RAB36: variants seen among roughly 807,000 people sequenced by gnomAD.
RAB36 encodes the protein RAB36, member RAS oncogene family.
A neutral mutation model predicts 39.3 loss-of-function variants in RAB36; 33 were observed. That is an observed-to-expected ratio of 0.84 (90% CI 0.64 to 1.12). The LOEUF (loss-of-function observed/expected upper bound fraction) is 1.12. RAB36 is among the 50% of genes most tolerant of loss of function. RAB36 has a pLI of 0.00. For synonymous variants in RAB36, 133 were observed against 140.2 expected, an observed-to-expected ratio of 0.95 and a Z score of 0.36; for missense variants, 308 against 355.3, an observed-to-expected ratio of 0.87 and a Z score of 1.07.
chr22:23,156,663 T>C (rs1955833167), intron 6 of RAB36, among the ~76,000 whole-genome samples: 1 of 152,260 alleles, frequency 6.6e-6, no homozygotes, highest in Admixed American at 6.5e-5. Flanking sequence ...GGCACCGATA[T>C]GTCTACTCGG....
rs1056685696 is a variant in RAB36, at chr22:23,163,531, A to G, written c.*1967A>G. On this transcript the variant is annotated 3_prime_UTR_variant, in exon 11 of 11. Transcript: ENST00000263116. Reference sequence around the variant, plus strand: ...GCCTGAGCCACCGCGTCCGGCCTCCATAAATGACTTTTAAAGGGGTTGTAT... The same window carrying G: ...GCCTGAGCCACCGCGTCCGGCCTCCGTAAATGACTTTTAAAGGGGTTGTAT... 6.6e-6 allele frequency: 1 copy of G among 151,968 alleles called. No homozygotes were observed. The highest frequency in any genetic ancestry group is 1.5e-5 in the Non-Finnish European group (1 of 68,058). The allele number at this position is 151,968 out of a possible 1,614,324, so 9.4% of individuals were successfully genotyped here. A position where few individuals can be genotyped will look rare whatever the true frequency, so the allele number is the denominator to read the frequency against.
At chr22:23,167,674 C>A (rs941293331), downstream of RAB36, among the ~76,000 whole-genome samples, 1 of 152,092 alleles carries the variant, frequency 6.6e-6, no homozygotes, top group Non-Finnish European at 1.5e-5. Flanking sequence ...TAAATTGACA[C>A]GTTCACTCAT....
At chr22:23,156,788 G>A (rs2071478456) in intron 6 of RAB36, among the ~76,000 whole-genome samples, 1 of 152,166 alleles carries the variant, frequency 6.6e-6, no homozygotes, top group African/African-American at 2.4e-5. Context: ...TGGTCGCATG[G>A]CCTCCTGCAC....
chr22:23,150,304 C>CT (rs1209181462), intron 3 of RAB36, 150 bp downstream of exon 3: 32,687 of 436,258 alleles, frequency 0.075, 3 homozygotes, highest in East Asian at 0.09. Context: ...TTTTTTTTTT[C>CT]TTTTTTTTTT....
intron 9 of RAB36, among the ~76,000 whole-genome samples, chr22:23,160,486 G>C (rs142389434): frequency 6.6e-6 from 1 of 152,220 alleles, no homozygotes; most frequent in Non-Finnish European, 1.5e-5. Flanking sequence ...CAGCCCCACC[G>C]GACAGGTATG....
Position 23,158,969 on chromosome 22 carries a change from A to G in RAB36, c.518A>G (p.Lys173Arg), listed in dbSNP as rs961192422. 1.9e-6 allele frequency: 3 copies of G among 1,614,064 alleles called. No homozygotes were observed. The African/African-American group carries it at 4.0e-5, about 22-fold the overall frequency. Reference protein sequence around the residue: ...SCFIFLVGTKKDLLSGAACEQ... With the variant: ...SCFIFLVGTKRDLLSGAACEQ... ...TTCATCTTCCTCGTGGGAACCAAGA[A>G]GGACCTTCTGGTGAGCAGAGTGGCA... Residue 173 changes from lysine to arginine, a missense_variant, in exon 8 of 11, where the codon AAG becomes AGG. By Grantham distance (26) the Lys-to-Arg change is conservative. Coordinates refer to ENST00000263116, the MANE Select transcript of RAB36 (RefSeq NM_004914.5).
rs115667459 is a variant in RAB36 at position 23,147,026 on chromosome 22, C to G, written c.69+341C>G. Reference sequence around the variant, plus strand: ...AGCCACTGTTACATGAAGGTAATTCCTCTCATATTGGGTGCCTGGCTCATG... The same window carrying G: ...AGCCACTGTTACATGAAGGTAATTCGTCTCATATTGGGTGCCTGGCTCATG... On this transcript the variant is annotated intron_variant, in intron 2 of 10. Transcript: ENST00000263116. Among the ~76,000 whole-genome samples, 857 of 152,234 alleles carry G rather than the reference C, an allele frequency of 5.6e-3. 4 individuals are homozygous for G. Among genetic ancestry groups the G allele is most frequent in the African/African-American group, 0.02 (824 of 41,504 alleles).
At chr22:23,167,715 T>A (rs9624040), downstream of RAB36, among the ~76,000 whole-genome samples, 68,898 of 150,524 alleles carry the variant, frequency 0.46, 16,035 homozygotes, top group East Asian at 0.64. Flanking sequence ...TAATTTATTT[T>A]TTTTTTTAAG....
Position 23,164,263 on chromosome 22 carries a change from A to G in RAB36, c.*2699A>G, listed in dbSNP as rs560909443. The G allele has an allele frequency of 6.6e-6, 1 of 152,376 alleles. No homozygotes were observed. Among genetic ancestry groups the G allele is most frequent in the Admixed American group, 6.5e-5 (1 of 15,308 alleles). The allele number at this position is 152,376 out of a possible 1,614,324, so 9.4% of individuals were successfully genotyped here. On this transcript the variant is annotated 3_prime_UTR_variant, in exon 11 of 11. Transcript: ENST00000263116. ...GGGGTGGGTGTGGTGTCCAGCTGTTACCAGCTTCTGAGCTAGAGCTGTACT... is the reference window on the plus strand; with the variant it reads ...GGGGTGGGTGTGGTGTCCAGCTGTTGCCAGCTTCTGAGCTAGAGCTGTACT...
chr22:23,145,678 C>A (rs1201293973), intron 1 of RAB36, 127 bp downstream of exon 1: 8 of 1,163,026 alleles, frequency 6.9e-6, no homozygotes, highest in Non-Finnish European at 9.5e-6. Context: ...TTGAAAGCGG[C>A]CTGCGGCCCC....
intron 2 of RAB36, among the ~76,000 whole-genome samples, chr22:23,148,883 G>A (rs1374027380): frequency 6.6e-6 from 1 of 152,202 alleles, no homozygotes; most frequent in East Asian, 1.9e-4. Context: ...CTGCTCTTCT[G>A]CAGGAAAGTA....
At position 23,161,560 on chromosome 22, in the gene RAB36, G is replaced by A. The variant is rs753396678; in HGVS notation, c.800G>A (p.Cys267Tyr). ...AAGAGGCCCTCCAGCCTGGGCTGCTGCTAACTGGGGCCTGCGTGGAAGGCC... is the reference window on the plus strand; with the variant it reads ...AAGAGGCCCTCCAGCCTGGGCTGCTACTAACTGGGGCCTGCGTGGAAGGCC... ...ESKRPSSLGC[C>Y] is the part of the protein sequence containing the mutation. The change falls in exon 11 of 11, where the codon TGC becomes TAC. Residue 267 changes from cysteine (C) to tyrosine (Y), a missense_variant. Coordinates refer to ENST00000263116, the MANE Select transcript of RAB36 (RefSeq NM_004914.5). 4.1e-5 allele frequency: 66 copies of A among 1,608,914 alleles called. No homozygotes were observed. Among genetic ancestry groups the A allele is most frequent in the Admixed American group, 5.0e-5 (3 of 59,906 alleles).
Position 23,162,871 on chromosome 22 carries a change from A to G in RAB36, c.*1307A>G, listed in dbSNP as rs2071888003. Reference sequence around the variant, plus strand: ...AGAACACTGGCATCTTTTTCTATTCATTCCCCCTTCAACATATTTTTTGTA... The same window carrying G: ...AGAACACTGGCATCTTTTTCTATTCGTTCCCCCTTCAACATATTTTTTGTA... On this transcript the variant is annotated 3_prime_UTR_variant, in exon 11 of 11. Transcript: ENST00000263116. The G allele has an allele frequency of 2.6e-6, 1 of 387,094 alleles. No homozygotes were observed. The highest frequency in any genetic ancestry group is 3.0e-5 in the Admixed American group (1 of 33,848). The allele number at this position is 387,094 out of a possible 1,614,324, so 24.0% of individuals were successfully genotyped here.
In RAB36 at chr22:23,161,680, C is replaced by T; in HGVS notation, c.*116C>T. On this transcript the variant is annotated 3_prime_UTR_variant, in exon 11 of 11. Coordinates refer to ENST00000263116, the MANE Select transcript of RAB36 (RefSeq NM_004914.5). ...CAGCGTGTCGCCCTCAAGCTGTAGG[C>T]CCATGTTCCAGTCCCTCCACCCACC... 1 of 944,006 alleles carries T rather than the reference C, an allele frequency of 1.1e-6. No individual in the cohort carries two copies. The highest frequency in any genetic ancestry group is 1.6e-5 in the South Asian group (1 of 61,712). 58.5% of individuals were successfully genotyped at this position (944,006 alleles called of 1,614,324 possible). A position where few individuals can be genotyped will look rare whatever the true frequency, so the allele number is the denominator to read the frequency against.
chr22:23,158,989 G>A lies in RAB36; in HGVS notation c.528+10G>A, dbSNP rs1034730874. The A allele has an allele frequency of 1.4e-5, 23 of 1,613,354 alleles. No homozygotes were observed. Among genetic ancestry groups the A allele is most frequent in the Non-Finnish European group, 1.8e-5 (21 of 1,179,392 alleles). On this transcript the variant is annotated intron_variant, in intron 8 of 10. Transcript: ENST00000263116. ...CAAGAAGGACCTTCTGGTGAGCAGA[G>A]TGGCACTGGTGGTCTGGGTGGCCCT...
intron 3 of RAB36, 111 bp from the exon 4 acceptor site, chr22:23,152,350 A>C: frequency 9.0e-7 from 1 of 1,115,574 alleles, no homozygotes; most frequent in Non-Finnish European, 1.4e-6. Context: ...TCCTGTGTCC[A>C]GGAGTGAGGG....
At chr22:23,149,908 T>C (rs1411545770) in intron 2 of RAB36, among the ~76,000 whole-genome samples, 155 bp from the exon 3 acceptor site, 1 of 152,170 alleles carries the variant, frequency 6.6e-6, no homozygotes, top group Non-Finnish European at 1.5e-5. Flanking sequence ...AAATAGAAGA[T>C]ACACATGACA....
rs768746771 is a variant in RAB36, at chr22:23,161,792, C to T, written c.*228C>T. ...CCCCACTGGCTGCCTGGGAGCCCCA[C>T]ACCACCGGGCCAGTGCAGGCACTGT... On this transcript the variant is annotated 3_prime_UTR_variant, in exon 11 of 11. Coordinates refer to ENST00000263116, the MANE Select transcript of RAB36 (RefSeq NM_004914.5). The T allele has an allele frequency of 1.6e-4, 86 of 547,654 alleles. No individual in the cohort carries two copies. The highest frequency in any genetic ancestry group is 3.5e-4 in the South Asian group (17 of 49,166). The allele number at this position is 547,654 out of a possible 1,614,324, so 33.9% of individuals were successfully genotyped here. A position where few individuals can be genotyped will look rare whatever the true frequency, so the allele number is the denominator to read the frequency against.
intron 4 of RAB36, 103 bp downstream of exon 4, chr22:23,152,629 G>C (rs1379354774): frequency 8.5e-7 from 1 of 1,175,668 alleles, no homozygotes; most frequent in Non-Finnish European, 1.3e-6. Flanking sequence ...AAATCATGTG[G>C]CTTCCAGGAA....
Sources: gnomAD v4.1 joint callset for allele counts (sites outside exome capture counted in the v4.1 genomes callset) on GRCh38, gnomAD v4.1.1 for gene constraint, MANE v1.5 for transcripts, NCBI Gene and HGNC (gene_info 2026-07-23, HGNC 2026-07-21) for gene names.